Variants in RIMS1 observed in about 807,000 individuals in gnomAD.
RIMS1 encodes regulating synaptic membrane exocytosis 1, also known as regulating synaptic membrane exocytosis protein 1.
A neutral mutation model predicts 214.1 loss-of-function variants in RIMS1; 83 were observed. The ratio of observed to expected loss-of-function variants is 0.39; its 90% confidence interval spans 0.32 to 0.47. The LOEUF is 0.47. Ranked by LOEUF, RIMS1 falls within the 20% of genes least tolerant of loss-of-function variation. RIMS1 has a pLI of 0.99. For missense variants in RIMS1, 2,050 were observed against 2,161.8 expected (o/e 0.95, Z 1.03); for synonymous variants, 793 against 786.8 (o/e 1.01, Z -0.13).
At chr6:71,948,176 G>A (rs1788449215) in intron 1 of RIMS1, among the ~76,000 whole-genome samples, 1 of 152,084 alleles carries the variant, frequency 6.6e-6, no homozygotes, top group African/African-American at 2.4e-5. Context: ...CATTTCTCCA[G>A]CATCCATCAA....
chr6:71,928,906 G>A (rs1413909698), intron 1 of RIMS1, among the ~76,000 whole-genome samples: 1 of 152,114 alleles, frequency 6.6e-6, no homozygotes, highest in African/African-American at 2.4e-5. Context: ...TAGAGAGGAA[G>A]CAAGAAAAAG....
intron 4 of RIMS1, among the ~76,000 whole-genome samples, chr6:72,102,249 G>A (rs764141281): frequency 6.6e-6 from 1 of 151,840 alleles, no homozygotes; most frequent in South Asian, 2.1e-4. Context: ...AGGATGATTG[G>A]TTGATGAATA....
intron 4 of RIMS1, among the ~76,000 whole-genome samples, chr6:72,146,273 A>G (rs112206887): frequency 0.011 from 1,700 of 152,338 alleles, 10 homozygotes; most frequent in Non-Finnish European, 0.017. Context: ...TTTCCAAAAA[A>G]TCTGTCACGT....
intron 6 of RIMS1, among the ~76,000 whole-genome samples, chr6:72,205,419 G>C (rs939571920): frequency 1.3e-5 from 2 of 152,124 alleles, no homozygotes; most frequent in East Asian, 3.9e-4. Flanking sequence ...AGGTGTAGGG[G>C]CTGCCAAGAC....
At chr6:71,995,125 G>A (rs942641550) in intron 2 of RIMS1, among the ~76,000 whole-genome samples, 3 of 152,022 alleles carry the variant, frequency 2.0e-5, no homozygotes, top group African/African-American at 7.3e-5. Context: ...GAAAAGACAT[G>A]TGATGTAGGG....
intron 4 of RIMS1, among the ~76,000 whole-genome samples, chr6:72,115,846 G>C (rs1434936948): frequency 6.7e-6 from 1 of 149,650 alleles, no homozygotes; most frequent in Non-Finnish European, 1.5e-5. Context: ...GCTTTTTTTT[G>C]CTTGCATTCA....
intron 2 of RIMS1, among the ~76,000 whole-genome samples, chr6:71,985,924 G>T (rs921489440): frequency 6.6e-6 from 1 of 152,104 alleles, no homozygotes; most frequent in African/African-American, 2.4e-5. Context: ...CCTAGGCAGG[G>T]TTAGTCTCTC....
At position 72,107,130 on chromosome 6, in the gene RIMS1, CTT is replaced by C. The variant is rs756491204; in HGVS notation, c.471+7145_471+7146del. ...ATTAGCTCTTTCTGCATCATTTACA[CTT>C]CATCATTATCACAGATTCCATTTTA... On this transcript the variant is annotated intron_variant, in intron 4 of 33. Transcript: ENST00000521978. Among the ~76,000 whole-genome samples the C allele has an allele frequency of 5.3e-5, 8 of 152,308 alleles. No individual in the cohort carries two copies. In the South Asian group the frequency reaches 6.2e-4, roughly 12 times the overall value.
chr6:71,933,719 A>ACAC (rs1554212097), intron 1 of RIMS1, among the ~76,000 whole-genome samples: 1 of 82,740 alleles, frequency 1.2e-5, no homozygotes, highest in Non-Finnish European at 2.7e-5. Flanking sequence ...CACACACACA[A>ACAC]GTTGTATTAA....
At chr6:71,960,976 A>G (rs1218011221) in intron 1 of RIMS1, among the ~76,000 whole-genome samples, 2 of 152,102 alleles carry the variant, frequency 1.3e-5, no homozygotes, top group East Asian at 3.9e-4. Flanking sequence ...TGACCCCACT[A>G]AATAGTGAAA....
intron 29 of RIMS1, among the ~76,000 whole-genome samples, chr6:72,369,144 A>T (rs1034976180): frequency 3.3e-5 from 5 of 151,240 alleles, no homozygotes; most frequent in Non-Finnish European, 5.9e-5. Flanking sequence ...ACAAGAGATC[A>T]ATATGCCATC....
chr6:72,245,120 C>A (rs1384582239), intron 10 of RIMS1, among the ~76,000 whole-genome samples: 3 of 151,776 alleles, frequency 2.0e-5, no homozygotes, highest in Non-Finnish European at 2.9e-5. Flanking sequence ...ACATATATTT[C>A]TTCAGAGTAA....
At chr6:72,125,253 TC>T (rs2039269949) in intron 4 of RIMS1, among the ~76,000 whole-genome samples, 1 of 152,238 alleles carries the variant, frequency 6.6e-6, no homozygotes, top group Non-Finnish European at 1.5e-5. Flanking sequence ...GCTACAGGTC[TC>T]CTGGAGTTTG....
rs16882011 is a variant in RIMS1, at chr6:72,012,848, C to G, written c.245+43785C>G. Among the ~76,000 whole-genome samples the G allele has an allele frequency of 1.9e-3, 292 of 152,250 alleles. 8 individuals carry two copies. In the East Asian group the frequency reaches 0.045, roughly 23 times the overall value. On this transcript the variant is annotated intron_variant, in intron 2 of 33. Transcript: ENST00000521978. The stretch of plus-strand genomic sequence containing the variant: ...TGTTATATTTCTGGTATTATGGGCT[C>G]AGGCAGTAAATTAGAGGTGTTTGGG...
At chr6:72,066,236 A>T (rs1031341368) in intron 2 of RIMS1, among the ~76,000 whole-genome samples, 3 of 152,206 alleles carry the variant, frequency 2.0e-5, no homozygotes, top group African/African-American at 4.8e-5. Context: ...CGAGAAAAAA[A>T]TATTTAGAGT....
At position 72,290,819 on chromosome 6, in the gene RIMS1, T is replaced by G; in HGVS notation, c.3695T>G (p.Leu1232Arg). ...AGAACACTGTGTTCTATGCACCACC[T>G]TGTCCCTGGAGGGTCGGCGCCACCT... Reference protein sequence around the residue: ...SIRTLCSMHHLVPGGSAPPSP... With the variant: ...SIRTLCSMHHRVPGGSAPPSP... The change falls in exon 25 of 34, where the codon CTT (leucine) becomes CGT (arginine). Residue 1232 changes from leucine to arginine, a missense_variant. Physicochemically the swap from Leu to Arg is moderately radical, Grantham distance 102. Transcript: ENST00000521978. 6.2e-7 allele frequency: 1 copy of G among 1,613,512 alleles called. No homozygotes were observed. Among genetic ancestry groups the G allele is most frequent in the Non-Finnish European group, 8.5e-7 (1 of 1,179,752 alleles).
chr6:71,959,878 T>G (rs1249901145), intron 1 of RIMS1, among the ~76,000 whole-genome samples: 5 of 152,096 alleles, frequency 3.3e-5, no homozygotes, highest in African/African-American at 1.2e-4. Context: ...AATTTTGTAA[T>G]TTGGGTGACA....
At chr6:71,895,051 A>G (rs1771235848) in intron 1 of RIMS1, among the ~76,000 whole-genome samples, 1 of 152,206 alleles carries the variant, frequency 6.6e-6, no homozygotes, top group Non-Finnish European at 1.5e-5. Flanking sequence ...CAATTAAGAT[A>G]TCTGTACTGT....
intron 29 of RIMS1, among the ~76,000 whole-genome samples, chr6:72,354,892 G>A (rs1341277521): frequency 6.6e-6 from 1 of 152,120 alleles, no homozygotes; most frequent in Non-Finnish European, 1.5e-5. Flanking sequence ...AAACCCAACT[G>A]CCAATGTTAG....
Sources: gnomAD v4.1 joint callset for allele counts (sites outside exome capture counted in the v4.1 genomes callset) on GRCh38, gnomAD v4.1.1 for gene constraint, MANE v1.5 for transcripts, NCBI Gene and HGNC (gene_info 2026-07-23, HGNC 2026-07-21) for gene names.